The following CPVL variants were observed in gnomAD, a reference collection of about 807,000 sequenced individuals.
CPVL encodes the protein carboxypeptidase vitellogenic like, also known as probable serine carboxypeptidase CPVL.
Under a neutral mutation model 63.7 loss-of-function variants are expected in CPVL, and 51 were observed. That is an observed-to-expected ratio of 0.80 (90% confidence interval 0.64 to 1.01). The LOEUF is 1.01. Ranked by LOEUF, CPVL falls within the 50% of genes least tolerant of loss-of-function variation. CPVL has a pLI of 0.00. For synonymous variants in CPVL, 195 were observed against 206.0 expected (o/e 0.95, Z 0.46); for missense variants, 530 against 573.1 (o/e 0.92, Z 0.77).
upstream of CPVL, chr7:29,147,057 C>A (rs1792825968): frequency 6.7e-7 from 1 of 1,492,442 alleles, no homozygotes; most frequent in Admixed American, 2.2e-5. Flanking sequence ...ACCATTATAC[C>A]CATTTTGCAA....
At chr7:29,016,019 T>C (rs1278607266) in intron 12 of CPVL, among the ~76,000 whole-genome samples, 1 of 152,132 alleles carries the variant, frequency 6.6e-6, no homozygotes, top group East Asian at 1.9e-4. Flanking sequence ...CCTTATCATC[T>C]CTTTTGACCT....
At chr7:29,012,016 TA>T (rs1370206196) in intron 12 of CPVL, 1 of 152,152 alleles carries the variant, frequency 6.6e-6, no homozygotes, top group Non-Finnish European at 1.5e-5. Flanking sequence ...TTAGAGAAAA[TA>T]AAGATGCAGT....
intron 7 of CPVL, among the ~76,000 whole-genome samples, chr7:29,073,716 T>C (rs1233036874): frequency 6.6e-6 from 1 of 152,218 alleles, no homozygotes. Context: ...AACAAACTTT[T>C]ACTTACTTAT....
chr7:29,045,122 A>G (rs867195040), intron 11 of CPVL, among the ~76,000 whole-genome samples: 1 of 152,244 alleles, frequency 6.6e-6, no homozygotes. Context: ...ATACAAACAC[A>G]CACGGGTTAT....
In CPVL at chr7:29,052,626, C is replaced by T. The variant is rs1041518653; in HGVS notation, c.1137+11435G>A. ...GTATTCAGAATGTATAAAGAACTCT[C>T]AGGCTGGGCACGGTGGCTCACGCCT... is the stretch of plus-strand genomic sequence containing the variant. On this transcript the variant is annotated intron_variant, in intron 11 of 12. Transcript: ENST00000265394. Among the ~76,000 whole-genome samples the T allele has an allele frequency of 3.9e-5, 6 of 152,002 alleles. 1 individual carries two copies. Among genetic ancestry groups the T allele is most frequent in the Admixed American group, 3.3e-4 (5 of 15,244 alleles).
At position 29,188,948 on chromosome 7, in the gene CPVL, C is replaced by CTTTTTT. The variant is rs11376135; in HGVS notation, c.-447-2407_-447-2402dup. On this transcript the variant is annotated intron_variant, in intron 1 of 16. Coordinates refer to the CPVL transcript ENST00000409850. Reference sequence around the variant, plus strand: ...AGCAAGGATATAGTTTTCCTCATACCTTTTTTTTTTTTTTTTTTGAGACAG... The same window carrying CTTTTTT: ...AGCAAGGATATAGTTTTCCTCATACCTTTTTTTTTTTTTTTTTTTTTTTTGAGACAG... Among the ~76,000 whole-genome samples the CTTTTTT allele has an allele frequency of 3.5e-3, 455 of 129,934 alleles. 5 individuals carry two copies. The highest frequency in any genetic ancestry group is 0.013 in the African/African-American group (439 of 34,208). 85.2% of individuals were successfully genotyped at this position (129,934 alleles called of 152,430 possible).
At chr7:29,147,754 C>T (rs1053693607), upstream of CPVL, among the ~76,000 whole-genome samples, 3 of 152,002 alleles carry the variant, frequency 2.0e-5, no homozygotes, top group African/African-American at 4.8e-5. Context: ...TATGCAGGAC[C>T]CAGGGCAAAA....
At chr7:29,139,650 GT>G (rs1584377426) in intron 1 of CPVL, among the ~76,000 whole-genome samples, 1 of 152,070 alleles carries the variant, frequency 6.6e-6, no homozygotes, top group East Asian at 1.9e-4. Context: ...TGAAACAGAC[GT>G]CTCGGATTTT....
In CPVL at chr7:29,125,442, G is replaced by C. The variant is rs564871859; in HGVS notation, c.-10-4371C>G. Among the ~76,000 whole-genome samples the C allele has an allele frequency of 2.8e-5, 4 of 141,864 alleles. No individual in the cohort carries two copies. In the South Asian group the frequency reaches 9.0e-4, roughly 32 times the overall value. 93.1% of individuals were successfully genotyped at this position (141,864 alleles called of 152,430 possible). ...GAGTCTCGCTCTGTCACCCAGACTG[G>C]AGTGCAGTGGTGCGATCTCAGCTCA... On this transcript the variant is annotated intron_variant, in intron 1 of 12. Transcript: ENST00000265394.
intron 3 of CPVL, among the ~76,000 whole-genome samples, chr7:29,109,892 T>C (rs1191397262): frequency 6.6e-6 from 1 of 152,300 alleles, no homozygotes; most frequent in Admixed American, 6.5e-5. Flanking sequence ...CATTGTTTAA[T>C]GAAGGGGGTT....
At chr7:29,071,674 C>CA in intron 9 of CPVL, 99 bp downstream of exon 9, 2 of 1,393,184 alleles carry the variant, frequency 1.4e-6, no homozygotes, top group South Asian at 1.4e-5. Flanking sequence ...ACCTTCTTAA[C>CA]AAAAAAATGC....
chr7:29,104,558 G>C (rs1172205175), intron 3 of CPVL, among the ~76,000 whole-genome samples: 1 of 152,212 alleles, frequency 6.6e-6, no homozygotes, highest in African/African-American at 2.4e-5. Flanking sequence ...ACTGCACCCA[G>C]CCTCAAAATC....
chr7:29,111,984 C>T (rs1441461038), intron 3 of CPVL, among the ~76,000 whole-genome samples: 1 of 152,224 alleles, frequency 6.6e-6, no homozygotes, highest in African/African-American at 2.4e-5. Context: ...CCCGCAACAG[C>T]ACCTCTAAGC....
chr7:29,094,578 G>A (rs1320000531), intron 5 of CPVL, among the ~76,000 whole-genome samples: 1 of 152,112 alleles, frequency 6.6e-6, no homozygotes, highest in Non-Finnish European at 1.5e-5. Context: ...CAGGCGTGGT[G>A]GCTCACACCT....
chr7:29,060,286 TA>T (rs1791142190), intron 11 of CPVL, among the ~76,000 whole-genome samples: 1 of 152,186 alleles, frequency 6.6e-6, no homozygotes, highest in Non-Finnish European at 1.5e-5. Context: ...TCCTGTTTTA[TA>T]GACAAGGAAG....
At chr7:29,056,278 G>T (rs1790724134) in intron 11 of CPVL, among the ~76,000 whole-genome samples, 1 of 152,162 alleles carries the variant, frequency 6.6e-6, no homozygotes, top group Admixed American at 6.5e-5. Context: ...ATAACATCTT[G>T]TATCCACCAT....
intron 8 of CPVL, 46 bp from the exon 9 acceptor site, chr7:29,071,950 G>C (rs761299787): frequency 1.2e-6 from 2 of 1,609,904 alleles, no homozygotes; most frequent in Non-Finnish European, 1.7e-6. Flanking sequence ...GGGAGAGAAA[G>C]AGACCTTAAG....
At chr7:29,117,588 T>C (rs916293226) in intron 2 of CPVL, among the ~76,000 whole-genome samples, 8 of 152,120 alleles carry the variant, frequency 5.3e-5, no homozygotes, top group African/African-American at 1.9e-4. Flanking sequence ...TCATATAGCA[T>C]AGTGGTTCAT....
intron 11 of CPVL, among the ~76,000 whole-genome samples, chr7:29,056,312 C>T (rs1181503715): frequency 6.6e-6 from 1 of 152,186 alleles, no homozygotes; most frequent in African/African-American, 2.4e-5. Context: ...AGAATAGTTT[C>T]ATTGCCCTAA....
Sources: gnomAD v4.1 joint callset for allele counts (sites outside exome capture counted in the v4.1 genomes callset) on GRCh38, gnomAD v4.1.1 for gene constraint, MANE v1.5 for transcripts, NCBI Gene and HGNC (gene_info 2026-07-23, HGNC 2026-07-21) for gene names.